Variants in GPC5 observed in about 807,000 individuals in gnomAD.
GPC5 encodes the protein glypican 5.
GPC5 carries 47 observed loss-of-function variants against 53.9 expected under a neutral mutation model. That is an observed-to-expected ratio of 0.87 (90% confidence interval 0.69 to 1.11). The LOEUF is 1.11. Among genes scored for constraint, GPC5 ranks in the 50% most tolerant of loss-of-function variants. The pLI is 0.00. For missense variants in GPC5, 748 were observed against 713.1 expected, an observed-to-expected ratio of 1.05 and a Z score of -0.56; for synonymous variants, 286 against 263.3, an observed-to-expected ratio of 1.09 and a Z score of -0.84.
intron 7 of GPC5, among the ~76,000 whole-genome samples, chr13:92,591,697 CCTAT>C (rs906312017): frequency 6.6e-6 from 1 of 152,044 alleles, no homozygotes; most frequent in Non-Finnish European, 1.5e-5. Context: ...ATTCATTTCT[CCTAT>C]CTAACTATAA....
intron 7 of GPC5, among the ~76,000 whole-genome samples, chr13:92,517,328 G>T (rs1269484695): frequency 6.6e-6 from 1 of 152,156 alleles, no homozygotes; most frequent in African/African-American, 2.4e-5. Flanking sequence ...TGACAGCTTT[G>T]AAGAGAGTAG....
chr13:91,418,379 T>C (rs1225567522), intron 1 of GPC5, among the ~76,000 whole-genome samples: 1 of 152,194 alleles, frequency 6.6e-6, no homozygotes, highest in African/African-American at 2.4e-5. Context: ...TCTCCACTTA[T>C]CTGGGTATAT....
intron 6 of GPC5, among the ~76,000 whole-genome samples, chr13:92,106,021 T>G (rs2041506715): frequency 6.6e-6 from 1 of 152,086 alleles, no homozygotes; most frequent in South Asian, 2.1e-4. Flanking sequence ...GTGAAATCTA[T>G]TTGTTATGTA....
At chr13:92,232,278 G>C (rs1194985388) in intron 7 of GPC5, among the ~76,000 whole-genome samples, 1 of 152,082 alleles carries the variant, frequency 6.6e-6, no homozygotes, top group Non-Finnish European at 1.5e-5. Context: ...TCTGCGTGGT[G>C]GGGTGGGGGT....
chr13:91,548,967 G>A (rs909443146), intron 2 of GPC5, among the ~76,000 whole-genome samples: 4 of 152,156 alleles, frequency 2.6e-5, no homozygotes, highest in Middle Eastern at 3.4e-3. Context: ...GATCATAGAC[G>A]TAAGTGCAAA....
intron 2 of GPC5, among the ~76,000 whole-genome samples, chr13:91,552,300 A>G (rs1940124969): frequency 6.6e-6 from 1 of 152,022 alleles, no homozygotes. Context: ...AGTTGTGCAG[A>G]AGATGGACAC....
intron 7 of GPC5, among the ~76,000 whole-genome samples, chr13:92,483,199 T>C (rs1185291761): frequency 6.6e-6 from 1 of 152,214 alleles, no homozygotes; most frequent in East Asian, 1.9e-4. Context: ...AGCCAAACCA[T>C]ATCAGATACA....
intron 7 of GPC5, among the ~76,000 whole-genome samples, chr13:92,716,790 T>C (rs144838599): frequency 5.9e-5 from 9 of 152,314 alleles, no homozygotes; most frequent in African/African-American, 1.2e-4. Flanking sequence ...TGTTGGAACC[T>C]GGACTTGAAA....
rs1880997523 is a variant in GPC5 at position 91,449,002 on chromosome 13, G to C, written c.325+80G>C. On this transcript the variant is annotated intron_variant, in intron 2 of 7. Transcript: ENST00000377067. ...TAAGATAGTTACGTTGGCAAACTTG[G>C]CTGGGTTTATTTCCTTGTATTTACA... is the stretch of plus-strand genomic sequence containing the variant. 5 of 1,449,530 alleles carry C rather than the reference G, an allele frequency of 3.4e-6. No individual in the cohort carries two copies. In the East Asian group the frequency reaches 1.1e-4, roughly 33 times the overall value. The allele number at this position is 1,449,530 out of a possible 1,614,324, so 89.8% of individuals were successfully genotyped here. A position where few individuals can be genotyped will look rare whatever the true frequency, so the allele number is the denominator to read the frequency against.
intron 7 of GPC5, among the ~76,000 whole-genome samples, chr13:92,325,706 T>G (rs1260112655): frequency 6.6e-6 from 1 of 152,004 alleles, no homozygotes; most frequent in Non-Finnish European, 1.5e-5. Flanking sequence ...CAACATAAAG[T>G]GGATGAATCT....
intron 7 of GPC5, among the ~76,000 whole-genome samples, chr13:92,337,351 T>G (rs1594110117): frequency 6.6e-6 from 1 of 152,242 alleles, no homozygotes; most frequent in African/African-American, 2.4e-5. Context: ...CTCAATAGTG[T>G]GAAGATGTTA....
intron 2 of GPC5, among the ~76,000 whole-genome samples, chr13:91,472,341 A>G (rs1369367172): frequency 6.6e-6 from 1 of 152,158 alleles, no homozygotes; most frequent in Non-Finnish European, 1.5e-5. Context: ...CTGGAGTCCT[A>G]TCACCTGGGT....
At chr13:91,911,436 C>G (rs1442684308) in intron 6 of GPC5, among the ~76,000 whole-genome samples, 8 of 152,030 alleles carry the variant, frequency 5.3e-5, no homozygotes, top group Admixed American at 6.6e-5. Context: ...CCCAGCTACT[C>G]AGGAGACTGA....
chr13:92,797,466 T>C (rs1264071437), intron 7 of GPC5, among the ~76,000 whole-genome samples: 1 of 151,912 alleles, frequency 6.6e-6, no homozygotes, highest in African/African-American at 2.4e-5. Context: ...CTTCTTTCAG[T>C]CTGTATTTTC....
intron 7 of GPC5, among the ~76,000 whole-genome samples, chr13:92,237,457 A>G (rs2042579027): frequency 2.0e-5 from 3 of 152,226 alleles, no homozygotes; most frequent in Admixed American, 2.0e-4. Flanking sequence ...TGACCTCATG[A>G]TCTGCCTGCC....
intron 5 of GPC5, among the ~76,000 whole-genome samples, chr13:91,805,674 G>A (rs2038208469): frequency 6.6e-6 from 1 of 152,174 alleles, no homozygotes; most frequent in Non-Finnish European, 1.5e-5. Flanking sequence ...TTTAGAAAAT[G>A]CAGTGTGTGT....
chr13:91,669,848 G>T (rs2035203479), intron 2 of GPC5, among the ~76,000 whole-genome samples: 1 of 152,124 alleles, frequency 6.6e-6, no homozygotes, highest in African/African-American at 2.4e-5. Context: ...AGATGTATTT[G>T]CTTGTGTATG....
intron 7 of GPC5, among the ~76,000 whole-genome samples, chr13:92,829,808 T>C (rs1877988132): frequency 6.6e-6 from 1 of 152,178 alleles, no homozygotes; most frequent in Non-Finnish European, 1.5e-5. Context: ...TTCATGATTC[T>C]TTTAAATACA....
At chr13:91,537,879 A>C (rs1328386016) in intron 2 of GPC5, among the ~76,000 whole-genome samples, 1 of 152,228 alleles carries the variant, frequency 6.6e-6, no homozygotes, top group Admixed American at 6.5e-5. Context: ...TCGTAGATAC[A>C]TACACAGGAG....
Sources: gnomAD v4.1 joint callset for allele counts (sites outside exome capture counted in the v4.1 genomes callset) on GRCh38, gnomAD v4.1.1 for gene constraint, MANE v1.5 for transcripts, NCBI Gene and HGNC (gene_info 2026-07-23, HGNC 2026-07-21) for gene names.